The following PCDHGC3 variants were observed in gnomAD, a reference collection of about 807,000 sequenced individuals.
The protein encoded by PCDHGC3 is protocadherin gamma subfamily C, 3, also known as protocadherin gamma-C3.
In PCDHGC3, 26 loss-of-function variants were observed where a neutral mutation model predicts 59.2. The observed-to-expected ratio is 0.44, with a 90% CI of 0.32 to 0.61. The LOEUF is 0.61. Among genes scored for constraint, PCDHGC3 ranks in the 20% least tolerant of loss-of-function variants. The probability of loss-of-function intolerance (pLI) is 0.05; values close to 1 mark genes in which losing one functional copy is unlikely to be tolerated. For synonymous variants in PCDHGC3, 487 were observed against 519.7 expected (o/e 0.94, Z 0.86); for missense variants, 1,080 against 1,221.8 (o/e 0.88, Z 1.73).
Position 141,486,683 on chromosome 5 carries a change from G to T in PCDHGC3, c.2431-8124G>T. The T allele has an allele frequency of 6.2e-7, 1 of 1,614,092 alleles. No homozygotes were observed. Among genetic ancestry groups the T allele is most frequent in the Non-Finnish European group, 8.5e-7 (1 of 1,180,026 alleles). ...GGAGCCCAGGAATCGAGATGTATCA[G>T]CTTCCTCTTTCATCTCTCTGAACCC... On this transcript the variant is annotated intron_variant, in intron 1 of 3. Transcript: ENST00000308177. This position sits in a 1 kb window ranked among gnomAD's most constrained non-coding sequence, Gnocchi z 5.0.
At chr5:141,500,293 C>T (rs1380080572) in intron 2 of PCDHGC3, among the ~76,000 whole-genome samples, 3 of 151,870 alleles carry the variant, frequency 2.0e-5, no homozygotes, top group Non-Finnish European at 4.4e-5. Flanking sequence ...ACTGCAAGCT[C>T]CGCCTCCCAG....
intron 1 of PCDHGC3, chr5:141,478,825 T>G: frequency 1.4e-6 from 2 of 1,441,878 alleles, no homozygotes; most frequent in East Asian, 5.0e-5. Context: ...TAACCAATCT[T>G]GCTAAGGGAT....
rs769467027 is a variant in PCDHGC3, at chr5:141,477,255, A to G, written c.1139A>G (p.Asp380Gly). Residue 380 changes from aspartate (D) to glycine (G), a missense_variant, in exon 1 of 4, where the codon GAT becomes GGT. Physicochemically the swap from Asp to Gly is moderately conservative, Grantham distance 94 (BLOSUM62 -1). Transcript: ENST00000308177. This position sits in a 1 kb window ranked among gnomAD's most constrained non-coding sequence, Gnocchi z 4.9. ...VIALLSVTDL[D>G]AGENGLVTCE... ...GCTTTGCTCAGTGTGACTGACCTGGATGCTGGCGAGAACGGGCTGGTGACC... is the reference window on the plus strand; with the variant it reads ...GCTTTGCTCAGTGTGACTGACCTGGGTGCTGGCGAGAACGGGCTGGTGACC... 1 of 1,614,146 alleles carries G rather than the reference A, an allele frequency of 6.2e-7. No individual in the cohort carries two copies. Among genetic ancestry groups the G allele is most frequent in the East Asian group, 2.2e-5 (1 of 44,874 alleles).
At position 141,485,568 on chromosome 5, in the gene PCDHGC3, G is replaced by T. The variant is rs1020556289; in HGVS notation, c.2430+7022G>T. 6.2e-7 allele frequency: 1 copy of T among 1,612,758 alleles called. No homozygotes were observed. Among genetic ancestry groups the T allele is most frequent in the Non-Finnish European group, 8.5e-7 (1 of 1,178,924 alleles). On this transcript the variant is annotated intron_variant, in intron 1 of 3. Coordinates refer to ENST00000308177, the MANE Select transcript of PCDHGC3 (RefSeq NM_002588.4). The surrounding 1 kb of genome is among the most constrained non-coding windows in gnomAD (Gnocchi z 5.7). Reference sequence around the variant, plus strand: ...GTAGATGTGAATGATCACGCCCCCCGTTTTCCGCGGCAGCAGCTGGACTTG... The same window carrying T: ...GTAGATGTGAATGATCACGCCCCCCTTTTTCCGCGGCAGCAGCTGGACTTG...
At chr5:141,505,143 CAG>C (rs1332770308) in intron 2 of PCDHGC3, among the ~76,000 whole-genome samples, 1 of 152,172 alleles carries the variant, frequency 6.6e-6, no homozygotes, top group Non-Finnish European at 1.5e-5. Context: ...GCCTGGATGA[CAG>C]AGTAAGACCC....
chr5:141,487,452 T>A lies in PCDHGC3; in HGVS notation c.2431-7355T>A, dbSNP rs778695562. 40 of 1,614,046 alleles carry A rather than the reference T, an allele frequency of 2.5e-5. No homozygotes were observed. The highest frequency in any genetic ancestry group is 3.4e-5 in the Non-Finnish European group (40 of 1,180,004). On this transcript the variant is annotated intron_variant, in intron 1 of 3. Coordinates refer to ENST00000308177, the MANE Select transcript of PCDHGC3 (RefSeq NM_002588.4). This position sits in a 1 kb window ranked among gnomAD's most constrained non-coding sequence, Gnocchi z 5.0. ...ATCCAGCTAGGGTCAGATGACCCTA[T>A]CAAGTTTGTTGATGTGGGAGGCCAC... is the stretch of plus-strand genomic sequence containing the variant.
chr5:141,494,643 AG>A, intron 1 of PCDHGC3, 163 bp from the exon 2 acceptor site: 1 of 928,048 alleles, frequency 1.1e-6, no homozygotes, highest in Non-Finnish European at 1.3e-6. Flanking sequence ...CTGAGACCTG[AG>A]GTGTATTTTG....
rs749095017 is a variant in PCDHGC3, at chr5:141,489,455, G to A, written c.2431-5352G>A. 1 of 1,614,042 alleles carries A rather than the reference G, an allele frequency of 6.2e-7. No homozygotes were observed. ...CTGCAATTGGGCTCTGAGGAGAATGGGCGCTATTTTTCCCTGAGCTTGATG... is the reference window on the plus strand; with the variant it reads ...CTGCAATTGGGCTCTGAGGAGAATGAGCGCTATTTTTCCCTGAGCTTGATG... On this transcript the variant is annotated intron_variant, in intron 1 of 3. Coordinates refer to ENST00000308177, the MANE Select transcript of PCDHGC3 (RefSeq NM_002588.4). This position sits in a 1 kb window ranked among gnomAD's most constrained non-coding sequence, Gnocchi z 4.5.
At position 141,511,219 on chromosome 5, in the gene PCDHGC3, G is replaced by A. The variant is rs1467284181; in HGVS notation, c.*46G>A. On this transcript the variant is annotated 3_prime_UTR_variant, in exon 4 of 4. Coordinates refer to ENST00000308177, the MANE Select transcript of PCDHGC3 (RefSeq NM_002588.4). ...CCACAGGGCGGCCTCTCCCCAACCA[G>A]CCCAGCTTCTCCTTACCTGCACCCA... 5 of 1,606,366 alleles carry A rather than the reference G, an allele frequency of 3.1e-6. No individual in the cohort carries two copies. The highest frequency in any genetic ancestry group is 2.7e-5 in the African/African-American group (2 of 74,686).
Position 141,490,179 on chromosome 5 carries a change from A to G in PCDHGC3, c.2431-4628A>G. On this transcript the variant is annotated intron_variant, in intron 1 of 3. Transcript: ENST00000308177. This position sits in a 1 kb window ranked among gnomAD's most constrained non-coding sequence, Gnocchi z 5.4. Reference sequence around the variant, plus strand: ...TGGGTCCCATAGACTTTGAGGAGTCACGTTTCTATGAAATTCATGCAAGAG... The same window carrying G: ...TGGGTCCCATAGACTTTGAGGAGTCGCGTTTCTATGAAATTCATGCAAGAG... 1 of 1,614,202 alleles carries G rather than the reference A, an allele frequency of 6.2e-7. No individual in the cohort carries two copies. Among genetic ancestry groups the G allele is most frequent in the East Asian group, 2.2e-5 (1 of 44,882 alleles).
At chr5:141,483,757 C>T (rs895694800) in intron 1 of PCDHGC3, among the ~76,000 whole-genome samples, 1 of 151,984 alleles carries the variant, frequency 6.6e-6, no homozygotes, top group Non-Finnish European at 1.5e-5. Flanking sequence ...AGGATCGAGG[C>T]TTGGAAAAAT....
chr5:141,497,125 G>A (rs968031174), intron 2 of PCDHGC3, among the ~76,000 whole-genome samples: 1 of 152,094 alleles, frequency 6.6e-6, no homozygotes, highest in South Asian at 2.1e-4. Context: ...GGCAGAGGTT[G>A]CAGTGAGCTG....
chr5:141,489,229 G>C lies in PCDHGC3; in HGVS notation c.2431-5578G>C. The C allele has an allele frequency of 6.6e-7, 1 of 1,522,252 alleles. No homozygotes were observed. Among genetic ancestry groups the C allele is most frequent in the Non-Finnish European group, 8.8e-7 (1 of 1,133,810 alleles). The allele number at this position is 1,522,252 out of a possible 1,614,324, so 94.3% of individuals were successfully genotyped here. On this transcript the variant is annotated intron_variant, in intron 1 of 3. Coordinates refer to ENST00000308177, the MANE Select transcript of PCDHGC3 (RefSeq NM_002588.4). This position sits in a 1 kb window ranked among gnomAD's most constrained non-coding sequence, Gnocchi z 4.5. ...AGCACAGACTTACTCTCCACAAAGG[G>C]ACTTCTGGGTCATGGGGCCCAAGAC...
At position 141,489,078 on chromosome 5, in the gene PCDHGC3, G is replaced by A. The variant is rs990356560; in HGVS notation, c.2431-5729G>A. ...GCTCCCCTCCCCCCTGCCCACCCCC[G>A]CCACTCGGTGACTAAGAACTGCTGC... On this transcript the variant is annotated intron_variant, in intron 1 of 3. Transcript: ENST00000308177. The surrounding 1 kb of genome is among the most constrained non-coding windows in gnomAD (Gnocchi z 4.5). 6.9e-5 allele frequency: 11 copies of A among 160,224 alleles called. 1 individual carries two copies. Among genetic ancestry groups the A allele is most frequent in the Admixed American group, 3.7e-4 (4 of 10,708 alleles). The allele number at this position is 160,224 out of a possible 1,614,324, so 9.9% of individuals were successfully genotyped here.
At chr5:141,497,307 C>T (rs1295364802) in intron 2 of PCDHGC3, among the ~76,000 whole-genome samples, 1 of 152,096 alleles carries the variant, frequency 6.6e-6, no homozygotes, top group Non-Finnish European at 1.5e-5. Flanking sequence ...CCAGGCCATA[C>T]ACTGGCTTTG....
rs575872277 is a variant in PCDHGC3, at chr5:141,511,848, G to A, written c.*675G>A. The A allele has an allele frequency of 6.4e-6, 1 of 156,684 alleles. No individual in the cohort carries two copies. The highest frequency in any genetic ancestry group is 2.0e-4 in the South Asian group (1 of 5,078). The allele number at this position is 156,684 out of a possible 1,614,324, so 9.7% of individuals were successfully genotyped here. A position where few individuals can be genotyped will look rare whatever the true frequency, so the allele number is the denominator to read the frequency against. ...GCCCTGGGGACCAGTCTTCTGTTTT[G>A]TTTTTCATTGTTTGACGTTTCCACT... On this transcript the variant is annotated 3_prime_UTR_variant, in exon 4 of 4. Transcript: ENST00000308177.
intron 1 of PCDHGC3, chr5:141,479,417 T>A (rs2099495481): frequency 6.6e-6 from 1 of 152,210 alleles, no homozygotes; most frequent in Non-Finnish European, 1.5e-5. Context: ...ACTATGCTGA[T>A]CAATTGATCA....
Position 141,485,175 on chromosome 5 carries a change from T to C in PCDHGC3, c.2430+6629T>C, listed in dbSNP as rs2099608731. ...GTAGAGAATTAGCGGGCGGCAGCAA[T>C]GCTCCGCAAGGTGAGAAGCTGGACA... On this transcript the variant is annotated intron_variant, in intron 1 of 3. Coordinates refer to ENST00000308177, the MANE Select transcript of PCDHGC3 (RefSeq NM_002588.4). The surrounding 1 kb of genome is among the most constrained non-coding windows in gnomAD (Gnocchi z 5.7). 6.2e-7 allele frequency: 1 copy of C among 1,611,486 alleles called. No homozygotes were observed. Among genetic ancestry groups the C allele is most frequent in the Non-Finnish European group, 8.5e-7 (1 of 1,177,998 alleles).
Position 141,501,335 on chromosome 5 carries a change from C to A in PCDHGC3, c.2490-4058C>A, listed in dbSNP as rs977626682. 1.5e-4 allele frequency among the ~76,000 whole-genome samples: 20 copies of A among 135,718 alleles called. No individual in the cohort carries two copies. In the East Asian group the frequency reaches 2.2e-3, roughly 15 times the overall value. The allele number at this position is 135,718 out of a possible 152,430, so 89.0% of individuals were successfully genotyped here. The stretch of plus-strand genomic sequence containing the variant: ...CACACACACACACACACACACACAC[C>A]CCAAACTCAATAGGGCAAGAACCAT... On this transcript the variant is annotated intron_variant, in intron 2 of 3. Transcript: ENST00000308177.
Sources: allele counts gnomAD v4.1 joint callset (sites outside exome capture counted in the v4.1 genomes callset), GRCh38; gene constraint gnomAD v4.1.1; non-coding constraint Gnocchi (gnomAD v3.1); transcripts MANE v1.5; gene names NCBI Gene and HGNC (gene_info 2026-07-23, HGNC 2026-07-21).